Variants in FOXO1 observed in about 807,000 individuals in gnomAD.
FOXO1 encodes forkhead box protein O1.
In FOXO1, 6 loss-of-function variants were observed where a neutral mutation model predicts 44.1. The observed-to-expected ratio is 0.14, with a 90% CI of 0.07 to 0.27. FOXO1 has a LOEUF of 0.27. FOXO1 is among the 10% of genes least tolerant of loss of function. The pLI is 1.00. For missense variants in FOXO1, 737 were observed against 888.8 expected (o/e 0.83, Z 2.17); for synonymous variants, 380 against 362.7 (o/e 1.05, Z -0.54).
chr13:40,600,133 A>C (rs991111096), intron 1 of FOXO1, among the ~76,000 whole-genome samples: 2 of 152,210 alleles, frequency 1.3e-5, no homozygotes, highest in Non-Finnish European at 2.9e-5. Flanking sequence ...TGCTATTCAA[A>C]ACCTGATGAC....
chr13:40,560,927 G>T lies in FOXO1; in HGVS notation c.631-67C>A. 6 of 1,450,696 alleles carry T rather than the reference G, an allele frequency of 4.1e-6. No individual in the cohort carries two copies. In the South Asian group the frequency reaches 6.8e-5, roughly 16 times the overall value. 89.9% of individuals were successfully genotyped at this position (1,450,696 alleles called of 1,614,324 possible). ...GCTTGCAAAACTTCCTATTCTACAT[G>T]TATTACATGGAAAACAAGTAAAAAA... On this transcript the variant is annotated intron_variant, in intron 1 of 2. Coordinates refer to ENST00000379561, the MANE Select transcript of FOXO1 (RefSeq NM_002015.4). This position sits in a 1 kb window ranked among gnomAD's most constrained non-coding sequence, Gnocchi z 5.1.
At position 40,665,571 on chromosome 13, in the gene FOXO1, G is replaced by T; in HGVS notation, c.630+12C>A. 7.3e-7 allele frequency: 1 copy of T among 1,373,658 alleles called. No homozygotes were observed. The highest frequency in any genetic ancestry group is 9.6e-7 in the Non-Finnish European group (1 of 1,047,030). 85.1% of individuals were successfully genotyped at this position (1,373,658 alleles called of 1,614,324 possible). On this transcript the variant is annotated intron_variant, in intron 1 of 2. Coordinates refer to ENST00000379561, the MANE Select transcript of FOXO1 (RefSeq NM_002015.4). ...CGCCCCCAAGGTCCGGCCGCGCGCCGAGTCCACTCACCTTCCAGCCCGCCG... is the reference window on the plus strand; with the variant it reads ...CGCCCCCAAGGTCCGGCCGCGCGCCTAGTCCACTCACCTTCCAGCCCGCCG...
intron 1 of FOXO1, among the ~76,000 whole-genome samples, chr13:40,571,253 A>G (rs1456372651): frequency 2.0e-5 from 3 of 152,152 alleles, no homozygotes; most frequent in Non-Finnish European, 4.4e-5. Context: ...GGATAGCATT[A>G]GGAGATATAC....
At chr13:40,628,121 G>A (rs773723152) in intron 1 of FOXO1, among the ~76,000 whole-genome samples, 5 of 151,870 alleles carry the variant, frequency 3.3e-5, no homozygotes, top group Admixed American at 2.0e-4. Context: ...TCTGGGTAAC[G>A]GGTACATAAA....
chr13:40,566,960 T>C (rs1425970097), intron 1 of FOXO1, among the ~76,000 whole-genome samples: 1 of 152,126 alleles, frequency 6.6e-6, no homozygotes, highest in Non-Finnish European at 1.5e-5. Flanking sequence ...AAAAGAGACC[T>C]GGTCCCACCC....
chr13:40,584,009 C>A (rs935645550), intron 1 of FOXO1, among the ~76,000 whole-genome samples: 13 of 152,036 alleles, frequency 8.6e-5, no homozygotes, highest in African/African-American at 2.9e-4. Context: ...ATGTAGAAGC[C>A]ATTGTGGGGG....
intron 1 of FOXO1, among the ~76,000 whole-genome samples, chr13:40,574,455 T>C (rs1359125191): frequency 2.0e-5 from 3 of 152,190 alleles, no homozygotes; most frequent in African/African-American, 4.8e-5. Flanking sequence ...AAACAGATTA[T>C]ACATGTGAAG....
rs1458612283 is a variant in FOXO1 at position 40,558,220 on chromosome 13, G to C, written c.*829C>G. The C allele has an allele frequency of 6.6e-6, 1 of 152,556 alleles. No homozygotes were observed. Among genetic ancestry groups the C allele is most frequent in the African/African-American group, 2.4e-5 (1 of 41,408 alleles). The allele number at this position is 152,556 out of a possible 1,614,324, so 9.5% of individuals were successfully genotyped here. A position where few individuals can be genotyped will look rare whatever the true frequency, so the allele number is the denominator to read the frequency against. Reference sequence around the variant, plus strand: ...ATTTACAAGCTGACTATGTAACAAAGTAGACTCTAGTTTTAAGAAAACATT... The same window carrying C: ...ATTTACAAGCTGACTATGTAACAAACTAGACTCTAGTTTTAAGAAAACATT... On this transcript the variant is annotated 3_prime_UTR_variant, in exon 3 of 3. Transcript: ENST00000379561.
Position 40,665,870 on chromosome 13 carries a change from C to A in FOXO1, c.343G>T (p.Ala115Ser). Residue 115 changes from alanine (A) to serine (S), a missense_variant, in exon 1 of 3, where the codon GCG (alanine) becomes TCG (serine). This residue lies in a region of FOXO1 where 213 missense variants were observed against 236.4 expected (regional missense o/e 0.90). Coordinates refer to ENST00000379561, the MANE Select transcript of FOXO1 (RefSeq NM_002015.4). ...GGTGGCGCTGGGTGCAGGCAGCCCG[C>A]CTCCGGGCCCTGGAAGTCCCCGCAC... ...GLCGDFQGPE[A>S]GCLHPAPPQP... 8.8e-7 allele frequency: 1 copy of A among 1,133,352 alleles called. No individual in the cohort carries two copies. Among genetic ancestry groups the A allele is most frequent in the South Asian group, 4.2e-5 (1 of 23,544 alleles). The allele number at this position is 1,133,352 out of a possible 1,614,324, so 70.2% of individuals were successfully genotyped here. A position where few individuals can be genotyped will look rare whatever the true frequency, so the allele number is the denominator to read the frequency against.
At chr13:40,648,216 G>C (rs1877569873) in intron 1 of FOXO1, among the ~76,000 whole-genome samples, 1 of 152,146 alleles carries the variant, frequency 6.6e-6, no homozygotes, top group South Asian at 2.1e-4. Context: ...TCAGGAAACA[G>C]AAGCACACTC....
intron 1 of FOXO1, among the ~76,000 whole-genome samples, chr13:40,593,572 T>C (rs981068573): frequency 6.6e-6 from 1 of 152,184 alleles, no homozygotes; most frequent in African/African-American, 2.4e-5. Context: ...TATGGTAAAA[T>C]GTAAGTAATA....
At chr13:40,613,196 G>A (rs1336203185) in intron 1 of FOXO1, among the ~76,000 whole-genome samples, 1 of 152,124 alleles carries the variant, frequency 6.6e-6, no homozygotes, top group Non-Finnish European at 1.5e-5. Flanking sequence ...AGTCAAAAGT[G>A]TCCTCTTTTT....
At chr13:40,647,172 G>A (rs1470214360) in intron 1 of FOXO1, among the ~76,000 whole-genome samples, 1 of 152,088 alleles carries the variant, frequency 6.6e-6, no homozygotes, top group African/African-American at 2.4e-5. Context: ...TTATCCCCAA[G>A]AGCAAGACAA....
In FOXO1 at chr13:40,582,433, CTCTT is replaced by C. The variant is rs112484710; in HGVS notation, c.631-21577_631-21574del. Among the ~76,000 whole-genome samples the C allele has an allele frequency of 3.0e-3, 464 of 152,292 alleles. 3 individuals are homozygous for C. Among genetic ancestry groups the C allele is most frequent in the Middle Eastern group, 3.4e-3 (1 of 294 alleles). Reference sequence around the variant, plus strand: ...CAATTAAATTTGCCTGATTGATTGACTCTTTCTTTCACGAAAAATTTCTCTGTAG... The same window carrying C: ...CAATTAAATTTGCCTGATTGATTGACTCTTTCACGAAAAATTTCTCTGTAG... On this transcript the variant is annotated intron_variant, in intron 1 of 2. Transcript: ENST00000379561.
At chr13:40,625,537 A>G (rs1168379747) in intron 1 of FOXO1, among the ~76,000 whole-genome samples, 1 of 152,170 alleles carries the variant, frequency 6.6e-6, no homozygotes, top group Non-Finnish European at 1.5e-5. Context: ...GCTATAAAAC[A>G]GAGGTTTTTT....
intron 1 of FOXO1, among the ~76,000 whole-genome samples, chr13:40,655,085 C>CA (rs1446868489): frequency 6.6e-6 from 1 of 152,096 alleles, no homozygotes; most frequent in African/African-American, 2.4e-5. Flanking sequence ...CCAGTGATCC[C>CA]AGCACTTTGG....
At chr13:40,592,523 T>A (rs1033778774) in intron 1 of FOXO1, among the ~76,000 whole-genome samples, 1 of 152,200 alleles carries the variant, frequency 6.6e-6, no homozygotes, top group African/African-American at 2.4e-5. Flanking sequence ...GATTACTACA[T>A]TCCTCCCAAA....
intron 1 of FOXO1, among the ~76,000 whole-genome samples, chr13:40,632,911 C>CAA (rs61652588): frequency 3.8e-3 from 241 of 64,042 alleles, no homozygotes; most frequent in African/African-American, 0.013. Context: ...AACTCCATCT[C>CAA]AAAAAAAAAA....
At chr13:40,578,107 A>G (rs1294366789) in intron 1 of FOXO1, among the ~76,000 whole-genome samples, 1 of 152,178 alleles carries the variant, frequency 6.6e-6, no homozygotes, top group African/African-American at 2.4e-5. Context: ...AATTGCACGC[A>G]AAGTTGAACA....
Sources: allele counts gnomAD v4.1 joint callset (sites outside exome capture counted in the v4.1 genomes callset), GRCh38; gene constraint gnomAD v4.1.1; regional missense constraint gnomAD v4.1.1; non-coding constraint Gnocchi (gnomAD v3.1); transcripts MANE v1.5; gene names NCBI Gene and HGNC (gene_info 2026-07-23, HGNC 2026-07-21).